DCLK1: variants seen among roughly 807,000 people sequenced by gnomAD.
The protein encoded by DCLK1 is doublecortin like kinase 1.
A neutral mutation model predicts 86.2 loss-of-function variants in DCLK1; 16 were observed. The observed-to-expected ratio is 0.19, with a 90% CI of 0.13 to 0.28. The LOEUF is 0.28. DCLK1 is among the 10% of genes least tolerant of loss of function. DCLK1 has a pLI of 1.00. For synonymous variants in DCLK1, 369 were observed against 370.5 expected, an observed-to-expected ratio of 1.00 and a Z score of 0.05; for missense variants, 590 against 940.2, an observed-to-expected ratio of 0.63 and a Z score of 4.87.
intron 4 of DCLK1, among the ~76,000 whole-genome samples, chr13:35,910,148 TCACTA>T: frequency 6.6e-6 from 1 of 152,272 alleles, no homozygotes; most frequent in East Asian, 1.9e-4. Flanking sequence ...GGACCCAGGA[TCACTA>T]CCTGCAACTC....
intron 2 of DCLK1, among the ~76,000 whole-genome samples, chr13:36,122,141 G>A (rs1886014320): frequency 6.6e-6 from 1 of 152,152 alleles, no homozygotes; most frequent in Admixed American, 6.5e-5. Flanking sequence ...TTAGGGAATA[G>A]GAAAAGATGG....
At chr13:35,860,271 T>C (rs1025096496) in intron 5 of DCLK1, among the ~76,000 whole-genome samples, 1 of 151,798 alleles carries the variant, frequency 6.6e-6, no homozygotes, top group African/African-American at 2.4e-5. Flanking sequence ...TTCTCAGCTT[T>C]TGTTCCTTGC....
intron 3 of DCLK1, among the ~76,000 whole-genome samples, chr13:36,045,377 T>TATATATCTATATATCTATATATAC (rs568110221): frequency 1.2e-4 from 15 of 125,080 alleles, no homozygotes; most frequent in East Asian, 1.0e-3. Context: ...TATATATATA[T>TATATATCTATATATCTATATATAC]TTCAAGGTAA....
intron 3 of DCLK1, among the ~76,000 whole-genome samples, chr13:36,102,823 G>A (rs897266641): frequency 2.6e-5 from 4 of 152,208 alleles, no homozygotes; most frequent in South Asian, 2.1e-4. Flanking sequence ...TTTGCTTCTC[G>A]ATCGACTTTG....
rs74782686 is a variant in DCLK1, at chr13:36,095,901, T to C, written c.723+15968A>G. On this transcript the variant is annotated intron_variant, in intron 3 of 16. Coordinates refer to ENST00000360631, the MANE Select transcript of DCLK1 (RefSeq NM_001330071.2). ...AAAGAATTTTTCCATTTCATTGATA[T>C]TATTTTCTGTTGTCAGCTTTAGCTA... 3.7e-3 allele frequency among the ~76,000 whole-genome samples: 559 copies of C among 152,334 alleles called. 8 individuals carry two copies. Among genetic ancestry groups the C allele is most frequent in the East Asian group, 0.013 (70 of 5,188 alleles).
intron 3 of DCLK1, among the ~76,000 whole-genome samples, chr13:36,012,537 A>C (rs2153148362): frequency 6.9e-6 from 1 of 144,418 alleles, no homozygotes; most frequent in Non-Finnish European, 1.5e-5. Context: ...CTTTTCTTTA[A>C]GAATGTTGAA....
rs533539254 is a variant in DCLK1 at position 35,985,182 on chromosome 13, C to T, written c.724-37725G>A. On this transcript the variant is annotated intron_variant, in intron 3 of 16. Coordinates refer to ENST00000360631, the MANE Select transcript of DCLK1 (RefSeq NM_001330071.2). ...ATTTAGACCTGCTACCAGCTCACTT[C>T]CCTTCCACATCATCCTTCTCCACTG... Among the ~76,000 whole-genome samples the T allele has an allele frequency of 2.6e-5, 4 of 152,286 alleles. No individual in the cohort carries two copies. The East Asian group carries it at 5.8e-4, about 22-fold the overall frequency.
chr13:35,978,203 C>T (rs201690758), intron 3 of DCLK1, among the ~76,000 whole-genome samples: 981 of 82,638 alleles, frequency 0.012, no homozygotes, highest in Non-Finnish European at 0.017. Context: ...CTTTTCTTTT[C>T]TTTTTTTTTT....
chr13:35,882,065 G>C (rs1283973980), intron 4 of DCLK1, among the ~76,000 whole-genome samples: 1 of 152,146 alleles, frequency 6.6e-6, no homozygotes, highest in Admixed American at 6.5e-5. Context: ...AAATATATTT[G>C]CTCACAATTC....
intron 3 of DCLK1, among the ~76,000 whole-genome samples, chr13:36,047,405 C>G (rs1882955162): frequency 6.6e-6 from 1 of 152,036 alleles, no homozygotes; most frequent in African/African-American, 2.4e-5. Flanking sequence ...TTCACAGTAG[C>G]CAAGGTATGG....
At chr13:35,931,397 A>C (rs1196322946) in intron 4 of DCLK1, among the ~76,000 whole-genome samples, 1 of 152,214 alleles carries the variant, frequency 6.6e-6, no homozygotes, top group Non-Finnish European at 1.5e-5. Context: ...AACAAGTAGA[A>C]GCTGGCTTGA....
rs375555083 is a variant in DCLK1, at chr13:35,906,336, G to A, written c.824-34996C>T. ...TTCTTTTTTTTTTTTTTTAAATAAA[G>A]GAAAACAGAACTATAGCAAAGCCTA... On this transcript the variant is annotated intron_variant, in intron 4 of 16. Transcript: ENST00000360631. Among the ~76,000 whole-genome samples the A allele has an allele frequency of 3.4e-3, 503 of 150,084 alleles. 1 individual carries two copies. Among genetic ancestry groups the A allele is most frequent in the African/African-American group, 0.012 (476 of 40,910 alleles).
intron 3 of DCLK1, among the ~76,000 whole-genome samples, chr13:35,982,660 C>T (rs929622777): frequency 6.6e-6 from 1 of 152,138 alleles, no homozygotes; most frequent in Non-Finnish European, 1.5e-5. Flanking sequence ...ATTTGGAATA[C>T]AATTTTTCGA....
intron 3 of DCLK1, among the ~76,000 whole-genome samples, chr13:36,076,878 C>T (rs966194758): frequency 2.6e-5 from 4 of 152,150 alleles, no homozygotes; most frequent in Admixed American, 2.6e-4. Context: ...TGGGCCAAAA[C>T]TTAGATTATA....
intron 4 of DCLK1, among the ~76,000 whole-genome samples, chr13:35,903,236 C>G (rs78432037): frequency 0.042 from 6,389 of 152,204 alleles, 459 homozygotes; most frequent in African/African-American, 0.15. Context: ...TCTATCATCC[C>G]CATGATGTTC....
At chr13:35,798,752 A>G (rs2086860941) in intron 15 of DCLK1, among the ~76,000 whole-genome samples, 1 of 152,224 alleles carries the variant, frequency 6.6e-6, no homozygotes, top group South Asian at 2.1e-4. Context: ...GGTTTTATAT[A>G]TTATTGCAGT....
intron 3 of DCLK1, among the ~76,000 whole-genome samples, chr13:35,955,265 T>C (rs947799630): frequency 1.3e-5 from 2 of 152,126 alleles, no homozygotes; most frequent in Non-Finnish European, 2.9e-5. Flanking sequence ...TTCAGGCTGC[T>C]ATAACAAAAA....
chr13:35,855,410 C>A, intron 5 of DCLK1: 1 of 1,210,636 alleles, frequency 8.3e-7, no homozygotes, highest in Non-Finnish European at 1.2e-6. Context: ...CATTACAGCC[C>A]CACAGTCAGT....
At chr13:35,775,773 T>A (rs2086414855) in intron 16 of DCLK1, among the ~76,000 whole-genome samples, 1 of 152,226 alleles carries the variant, frequency 6.6e-6, no homozygotes, top group African/African-American at 2.4e-5. Context: ...AATTTACTGT[T>A]AGCTCCTTCA....
Sources: gnomAD v4.1 joint callset for allele counts (sites outside exome capture counted in the v4.1 genomes callset) on GRCh38, gnomAD v4.1.1 for gene constraint, MANE v1.5 for transcripts, NCBI Gene and HGNC (gene_info 2026-07-23, HGNC 2026-07-21) for gene names.